IL15: variants seen among roughly 807,000 people sequenced by gnomAD.
IL15 encodes the protein interleukin 15.
Under a neutral mutation model 19.6 loss-of-function variants are expected in IL15, and 11 were observed. The ratio of observed to expected loss-of-function variants is 0.56; its 90% confidence interval spans 0.35 to 0.93. The LOEUF is 0.93. IL15 is among the 40% of genes least tolerant of loss of function. The pLI is 0.01. For missense variants in IL15, 197 were observed against 186.5 expected, an observed-to-expected ratio of 1.06 and a Z score of -0.33; for synonymous variants, 58 against 59.6, an observed-to-expected ratio of 0.97 and a Z score of 0.12.
At chr4:141,689,361 C>T (rs570250140) in intron 2 of IL15, among the ~76,000 whole-genome samples, 2 of 152,116 alleles carry the variant, frequency 1.3e-5, no homozygotes, top group Non-Finnish European at 2.9e-5. Flanking sequence ...CTGATTGGTG[C>T]GTTTACAATC....
intron 2 of IL15, among the ~76,000 whole-genome samples, chr4:141,684,567 T>G (rs1728648207): frequency 6.6e-6 from 1 of 152,198 alleles, no homozygotes; most frequent in African/African-American, 2.4e-5. Flanking sequence ...TTCCTTTGAC[T>G]TCCTTCAATA....
intron 2 of IL15, among the ~76,000 whole-genome samples, chr4:141,685,478 A>C (rs1416807042): frequency 6.6e-6 from 1 of 152,218 alleles, no homozygotes; most frequent in East Asian, 1.9e-4. Flanking sequence ...AACTTCCTGA[A>C]AGAGATGACT....
intron 2 of IL15, among the ~76,000 whole-genome samples, chr4:141,714,395 G>A (rs1729805259): frequency 6.6e-6 from 1 of 151,736 alleles, no homozygotes; most frequent in Non-Finnish European, 1.5e-5. Context: ...CCATCAGCAT[G>A]CAAACATGTT....
At position 141,719,271 on chromosome 4, in the gene IL15, T is replaced by C. The variant is rs534908719; in HGVS notation, c.-99-95T>C. The C allele has an allele frequency of 1.9e-5, 9 of 474,558 alleles. No homozygotes were observed. In the South Asian group the frequency reaches 3.4e-4, roughly 18 times the overall value. 29.4% of individuals were successfully genotyped at this position (474,558 alleles called of 1,614,324 possible). On this transcript the variant is annotated intron_variant, in intron 2 of 7. Transcript: ENST00000320650. Reference sequence around the variant, plus strand: ...ATCTGTTAAGTAACTAATAGAGTGCTTATTAAAAGGTAGGTGTTCAATAAG... The same window carrying C: ...ATCTGTTAAGTAACTAATAGAGTGCCTATTAAAAGGTAGGTGTTCAATAAG...
intron 2 of IL15, among the ~76,000 whole-genome samples, chr4:141,688,219 A>G (rs890478686): frequency 1.3e-5 from 2 of 152,136 alleles, no homozygotes; most frequent in East Asian, 1.9e-4. Flanking sequence ...CCCTCTGACC[A>G]ATTTACGTAT....
intron 2 of IL15, among the ~76,000 whole-genome samples, chr4:141,673,398 TA>T (rs985076095): frequency 6.6e-6 from 1 of 152,246 alleles, no homozygotes; most frequent in African/African-American, 2.4e-5. Context: ...GATTTACTTT[TA>T]TTTTGTAGTT....
At chr4:141,647,401 T>C (rs887636475) in intron 1 of IL15, among the ~76,000 whole-genome samples, 1 of 152,050 alleles carries the variant, frequency 6.6e-6, no homozygotes, top group Non-Finnish European at 1.5e-5. Context: ...AAGTACTGGA[T>C]TGAAGATTGG....
At chr4:141,705,161 T>C (rs1332435788) in intron 2 of IL15, among the ~76,000 whole-genome samples, 1 of 151,958 alleles carries the variant, frequency 6.6e-6, no homozygotes, top group Non-Finnish European at 1.5e-5. Context: ...TTCCTTGAGG[T>C]GAATCATTGG....
rs761558358 is a variant in IL15, at chr4:141,729,912, C to T, written c.306C>T (p.Ser102=). Residue 102 remains serine (S), a synonymous_variant, in exon 7 of 8, where the codon TCC becomes TCT. Transcript: ENST00000320650. ...AGTTACAAGTTATTTCACTTGAGTC[C>T]GGAGATGCAAGTATTCATGATACAG... ...LLELQVISLE[S]GDASIHDTVE... 13 of 1,579,908 alleles carry T rather than the reference C, an allele frequency of 8.2e-6. No homozygotes were observed. The highest frequency in any genetic ancestry group is 1.7e-4 in the Middle Eastern group (1 of 6,024).
chr4:141,694,389 A>G (rs879741508), intron 2 of IL15, among the ~76,000 whole-genome samples: 10 of 152,212 alleles, frequency 6.6e-5, no homozygotes, highest in Non-Finnish European at 1.0e-4. Context: ...ACCATTCAAT[A>G]TATGGTATTT....
chr4:141,681,918 A>T (rs1453066554), intron 2 of IL15, among the ~76,000 whole-genome samples: 4 of 152,320 alleles, frequency 2.6e-5, no homozygotes, highest in South Asian at 4.1e-4. Context: ...TAAGGCAAAG[A>T]ATCATTATTT....
intron 7 of IL15, among the ~76,000 whole-genome samples, chr4:141,730,818 A>C (rs188614805): frequency 6.4e-4 from 98 of 152,314 alleles, no homozygotes; most frequent in African/African-American, 2.2e-3. Context: ...GGCATAATCA[A>C]ATTAGTTCAT....
intron 2 of IL15, among the ~76,000 whole-genome samples, chr4:141,674,924 G>T (rs1307568114): frequency 6.7e-6 from 1 of 149,822 alleles, no homozygotes; most frequent in African/African-American, 2.4e-5. Context: ...AAGCAGGCTG[G>T]ACTGGGTGTT....
chr4:141,689,902 G>A (rs1251091064), intron 2 of IL15, among the ~76,000 whole-genome samples: 5 of 152,234 alleles, frequency 3.3e-5, no homozygotes, highest in African/African-American at 1.2e-4. Context: ...GCGCCGTGGA[G>A]CAGGGGGCGG....
At chr4:141,676,480 C>T (rs1728349505) in intron 2 of IL15, among the ~76,000 whole-genome samples, 1 of 152,156 alleles carries the variant, frequency 6.6e-6, no homozygotes. Context: ...AACACAACTT[C>T]TCTAATTCAG....
chr4:141,680,063 C>G (rs1274157678), intron 2 of IL15, among the ~76,000 whole-genome samples: 1 of 152,304 alleles, frequency 6.6e-6, no homozygotes, highest in Admixed American at 6.5e-5. Context: ...AGAACCTATA[C>G]TACTATATAT....
chr4:141,703,778 T>G (rs1442606781), intron 2 of IL15, among the ~76,000 whole-genome samples: 1 of 151,504 alleles, frequency 6.6e-6, no homozygotes, highest in Admixed American at 6.6e-5. Context: ...TTCACTTCCT[T>G]GGTTAAGTTT....
intron 1 of IL15, among the ~76,000 whole-genome samples, chr4:141,653,571 C>G (rs1177496799): frequency 6.6e-6 from 1 of 152,138 alleles, no homozygotes; most frequent in Non-Finnish European, 1.5e-5. Flanking sequence ...AACAAATACA[C>G]ACTGTCGAGT....
intron 2 of IL15, among the ~76,000 whole-genome samples, chr4:141,678,109 C>T (rs1011336532): frequency 3.3e-5 from 5 of 152,128 alleles, no homozygotes; most frequent in African/African-American, 1.2e-4. Flanking sequence ...AATATATTGC[C>T]TCAGAGGTCT....
Sources: allele counts gnomAD v4.1 joint callset (sites outside exome capture counted in the v4.1 genomes callset), GRCh38; gene constraint gnomAD v4.1.1; transcripts MANE v1.5; gene names NCBI Gene and HGNC (gene_info 2026-07-23, HGNC 2026-07-21).